Variants in EDIL3 observed in about 807,000 individuals in gnomAD.
EDIL3 encodes EGF-like repeat and discoidin I-like domain-containing protein 3.
In EDIL3, 37 loss-of-function variants were observed where a neutral mutation model predicts 67.4. The ratio of observed to expected loss-of-function variants is 0.55; its 90% CI spans 0.42 to 0.72. The LOEUF (loss-of-function observed/expected upper bound fraction) is 0.72. EDIL3 is among the 30% of genes least tolerant of loss of function. The pLI is 0.00. For synonymous variants in EDIL3, 195 were observed against 196.3 expected (o/e 0.99, Z 0.05); for missense variants, 527 against 586.3 (o/e 0.90, Z 1.04).
Position 84,106,558 on chromosome 5 carries a change from A to G in EDIL3, c.651+91T>C, listed in dbSNP as rs1046075804. 20 of 1,426,750 alleles carry G rather than the reference A, an allele frequency of 1.4e-5. No individual in the cohort carries two copies. The African/African-American group carries it at 2.7e-4, about 19-fold the overall frequency. 88.4% of individuals were successfully genotyped at this position (1,426,750 alleles called of 1,614,324 possible). On this transcript the variant is annotated intron_variant, in intron 6 of 10. Transcript: ENST00000296591. ...TTTCCTCTGACCATAAGGAAGAGTC[A>G]CACTGAGTTCCCTTTTGTCTGCTTT...
chr5:84,326,536 T>A (rs1277000658), intron 1 of EDIL3, among the ~76,000 whole-genome samples: 2 of 151,844 alleles, frequency 1.3e-5, no homozygotes, highest in Non-Finnish European at 2.9e-5. Context: ...GGATGGTAAT[T>A]TTTATGGTAT....
intron 1 of EDIL3, among the ~76,000 whole-genome samples, chr5:84,256,849 T>A (rs1482601416): frequency 6.6e-6 from 1 of 152,146 alleles, no homozygotes; most frequent in Non-Finnish European, 1.5e-5. Context: ...TCTTGACCCT[T>A]CATAGAGGTG....
intron 5 of EDIL3, among the ~76,000 whole-genome samples, chr5:84,120,202 A>G (rs1175071696): frequency 6.6e-6 from 1 of 152,068 alleles, no homozygotes; most frequent in Admixed American, 6.6e-5. Flanking sequence ...AAAAAATTTC[A>G]GGTGGTACAA....
At chr5:84,089,363 A>C (rs1747125626) in intron 6 of EDIL3, among the ~76,000 whole-genome samples, 1 of 152,224 alleles carries the variant, frequency 6.6e-6, no homozygotes, top group South Asian at 2.1e-4. Flanking sequence ...TTTGATAGAT[A>C]TCTTAGTAGT....
At chr5:84,323,592 G>T (rs1746692685) in intron 1 of EDIL3, among the ~76,000 whole-genome samples, 1 of 151,972 alleles carries the variant, frequency 6.6e-6, no homozygotes, top group East Asian at 1.9e-4. Flanking sequence ...AATGCAAATG[G>T]ATTGAATCCT....
chr5:84,208,561 C>A (rs1744038379), intron 3 of EDIL3, among the ~76,000 whole-genome samples: 1 of 150,870 alleles, frequency 6.6e-6, no homozygotes, highest in Non-Finnish European at 1.5e-5. Flanking sequence ...CGCCTGTAGT[C>A]CCAGCTACTC....
chr5:84,284,400 C>A (rs1034113998), intron 1 of EDIL3, among the ~76,000 whole-genome samples: 1 of 152,038 alleles, frequency 6.6e-6, no homozygotes, highest in Non-Finnish European at 1.5e-5. Context: ...GCTACTATAC[C>A]CATGCACTTG....
At chr5:84,217,506 C>G (rs2166342) in intron 3 of EDIL3, among the ~76,000 whole-genome samples, 21,174 of 152,020 alleles carry the variant, frequency 0.14, 1,682 homozygotes, top group Middle Eastern at 0.2. Context: ...AAAGATGACC[C>G]TTGATAATAG....
chr5:84,265,110 G>GA (rs1561239536), intron 1 of EDIL3, among the ~76,000 whole-genome samples: 2 of 152,230 alleles, frequency 1.3e-5, no homozygotes, highest in East Asian at 3.9e-4. Context: ...TTTTCAGGCA[G>GA]AAAGGTATGT....
At chr5:84,319,809 TACTATGCAGCC>T (rs1191036059) in intron 1 of EDIL3, among the ~76,000 whole-genome samples, 3 of 152,084 alleles carry the variant, frequency 2.0e-5, no homozygotes, top group Admixed American at 6.5e-5. Context: ...TGCCACAGAA[TACTATGCAGCC>T]ATAAAAAAGG....
At chr5:84,292,396 C>T (rs1478903499) in intron 1 of EDIL3, among the ~76,000 whole-genome samples, 1 of 152,046 alleles carries the variant, frequency 6.6e-6, no homozygotes, top group Non-Finnish European at 1.5e-5. Flanking sequence ...CTGAATAAGA[C>T]ATAGTGTCCC....
intron 1 of EDIL3, among the ~76,000 whole-genome samples, chr5:84,316,694 A>G (rs992548186): frequency 6.6e-6 from 1 of 152,214 alleles, no homozygotes; most frequent in African/African-American, 2.4e-5. Context: ...AATATTAGAC[A>G]GATCAACGAG....
intron 1 of EDIL3, among the ~76,000 whole-genome samples, chr5:84,357,141 T>A (rs1747504916): frequency 6.6e-6 from 1 of 151,974 alleles, no homozygotes; most frequent in South Asian, 2.1e-4. Context: ...GCCAGGCTAG[T>A]GTTGAACACC....
intron 9 of EDIL3, among the ~76,000 whole-genome samples, chr5:84,018,928 C>T (rs977526044): frequency 2.0e-5 from 3 of 152,144 alleles, no homozygotes; most frequent in African/African-American, 4.8e-5. Flanking sequence ...GAAATAGGAA[C>T]ACTTTTACAC....
chr5:84,037,349 T>A (rs1284782618), intron 9 of EDIL3, among the ~76,000 whole-genome samples: 1 of 152,210 alleles, frequency 6.6e-6, no homozygotes, highest in African/African-American at 2.4e-5. Flanking sequence ...ACATTTTGTT[T>A]ACCAGCAGAA....
chr5:84,069,945 G>A (rs1746707527), intron 6 of EDIL3, among the ~76,000 whole-genome samples: 2 of 152,058 alleles, frequency 1.3e-5, no homozygotes, highest in Admixed American at 1.3e-4. Flanking sequence ...GATGTGGAGA[G>A]GAGCAGAGGA....
chr5:83,993,928 T>C (rs1016314676), intron 9 of EDIL3, among the ~76,000 whole-genome samples: 2 of 152,170 alleles, frequency 1.3e-5, no homozygotes, highest in Admixed American at 6.6e-5. Flanking sequence ...ATTTAAAATA[T>C]GTTACCAATT....
chr5:83,949,998 C>G (rs1038061035), intron 10 of EDIL3, among the ~76,000 whole-genome samples: 6 of 151,766 alleles, frequency 4.0e-5, no homozygotes, highest in African/African-American at 1.5e-4. Flanking sequence ...TCAACCATGT[C>G]TAAATGTAGG....
intron 4 of EDIL3, among the ~76,000 whole-genome samples, chr5:84,170,862 T>C (rs1374749305): frequency 3.3e-5 from 5 of 151,870 alleles, no homozygotes; most frequent in Non-Finnish European, 7.4e-5. Context: ...GGGTGTGATC[T>C]CGGCTCACTG....
Sources: allele counts gnomAD v4.1 joint callset (sites outside exome capture counted in the v4.1 genomes callset), GRCh38; gene constraint gnomAD v4.1.1; transcripts MANE v1.5; gene names NCBI Gene and HGNC (gene_info 2026-07-23, HGNC 2026-07-21).